MYRIP: variants seen among roughly 807,000 people sequenced by gnomAD.
MYRIP encodes rab effector MyRIP.
In MYRIP, 49 loss-of-function variants were observed where a neutral mutation model predicts 98.0. That is an observed-to-expected ratio of 0.50 (90% CI 0.40 to 0.63). The LOEUF is 0.63. Among genes scored for constraint, MYRIP ranks in the 30% least tolerant of loss-of-function variants. MYRIP has a pLI of 0.00. For synonymous variants in MYRIP, 404 were observed against 409.5 expected (o/e 0.99, Z 0.16); for missense variants, 1,004 against 1,058.2 (o/e 0.95, Z 0.71).
At chr3:40,202,979 G>C (rs1374617693) in intron 10 of MYRIP, among the ~76,000 whole-genome samples, 1 of 151,780 alleles carries the variant, frequency 6.6e-6, no homozygotes, top group African/African-American at 2.4e-5. Flanking sequence ...CGCCAGGCTG[G>C]AGTGCAGTGG....
intron 3 of MYRIP, among the ~76,000 whole-genome samples, chr3:40,137,308 C>A (rs921518135): frequency 1.4e-4 from 21 of 152,310 alleles, no homozygotes; most frequent in East Asian, 5.8e-4. Flanking sequence ...TTCCTCGACA[C>A]ATACAGTCTC....
chr3:40,101,123 C>T (rs1948936440), intron 3 of MYRIP, among the ~76,000 whole-genome samples: 1 of 152,108 alleles, frequency 6.6e-6, no homozygotes, highest in Admixed American at 6.5e-5. Context: ...CAGCTTATAT[C>T]TTTATTTTCT....
At chr3:39,961,647 A>G (rs1945328091) in intron 2 of MYRIP, among the ~76,000 whole-genome samples, 1 of 152,098 alleles carries the variant, frequency 6.6e-6, no homozygotes, top group Middle Eastern at 3.2e-3. Context: ...AAGACCCCAG[A>G]TTTGGATTTT....
intron 3 of MYRIP, among the ~76,000 whole-genome samples, chr3:40,115,527 A>G (rs1007442273): frequency 6.6e-6 from 1 of 152,168 alleles, no homozygotes; most frequent in African/African-American, 2.4e-5. Flanking sequence ...CACTCCCATG[A>G]TTCAGTTATC....
At chr3:40,139,412 C>CTG (rs1295306697) in intron 3 of MYRIP, among the ~76,000 whole-genome samples, 4 of 152,154 alleles carry the variant, frequency 2.6e-5, no homozygotes, top group African/African-American at 7.2e-5. Flanking sequence ...TCTGTCAGTC[C>CTG]CGCTGCTGGC....
chr3:40,206,418 G>A (rs1027839216), intron 10 of MYRIP, among the ~76,000 whole-genome samples: 1 of 152,070 alleles, frequency 6.6e-6, no homozygotes, highest in Non-Finnish European at 1.5e-5. Context: ...GTGTGCATAC[G>A]ATTTGTCTTT....
At chr3:40,198,496 C>T (rs1951462830) in intron 10 of MYRIP, among the ~76,000 whole-genome samples, 1 of 152,214 alleles carries the variant, frequency 6.6e-6, no homozygotes. Context: ...CATTCATTTA[C>T]TGGCAACAAA....
At chr3:40,052,461 C>G (rs974154840) in intron 3 of MYRIP, among the ~76,000 whole-genome samples, 1 of 152,078 alleles carries the variant, frequency 6.6e-6, no homozygotes, top group African/African-American at 2.4e-5. Flanking sequence ...TAAGAATATG[C>G]ACAAGTTAAC....
At chr3:40,107,128 A>G (rs68035740) in intron 3 of MYRIP, among the ~76,000 whole-genome samples, 35,900 of 152,122 alleles carry the variant, frequency 0.24, 4,547 homozygotes, top group East Asian at 0.36. Context: ...AGGGCAGCCA[A>G]TTGTGATGGC....
intron 3 of MYRIP, among the ~76,000 whole-genome samples, chr3:40,069,408 T>A (rs987070500): frequency 1.2e-4 from 18 of 151,230 alleles, no homozygotes; most frequent in African/African-American, 4.4e-4. Context: ...TTTTTTTTTT[T>A]TGCTTTTTAA....
intron 1 of MYRIP, among the ~76,000 whole-genome samples, chr3:39,826,868 TG>T (rs1197621862): frequency 1.3e-5 from 2 of 152,192 alleles, no homozygotes; most frequent in Admixed American, 6.5e-5. Flanking sequence ...CTGAATTGAT[TG>T]GTCTCTTTAT....
intron 3 of MYRIP, among the ~76,000 whole-genome samples, chr3:40,142,569 C>T (rs117062964): frequency 0.028 from 4,207 of 152,126 alleles, 212 homozygotes; most frequent in East Asian, 0.25. Context: ...CTCAATCTAT[C>T]CTCCCACCTC....
At chr3:40,179,109 C>A (rs529584572) in intron 8 of MYRIP, among the ~76,000 whole-genome samples, 97 of 152,340 alleles carry the variant, frequency 6.4e-4, no homozygotes, top group African/African-American at 2.2e-3. Context: ...TCCTCTCTGG[C>A]TGAACTAGCT....
intron 3 of MYRIP, among the ~76,000 whole-genome samples, chr3:40,065,751 C>T (rs1254406451): frequency 6.6e-6 from 1 of 152,158 alleles, no homozygotes; most frequent in Non-Finnish European, 1.5e-5. Flanking sequence ...GCATGTGGCT[C>T]TGTTGTCCCC....
chr3:40,209,979 G>A lies in MYRIP; in HGVS notation c.1791G>A (p.Lys597=). ...AGTTAGCAATGAAAATGAGTGAAAA[G>A]GAGACTTCTTCAGGGGAGGATCAGG... is the stretch of plus-strand genomic sequence containing the variant. The part of the protein sequence containing the change: ...LYELAMKMSE[K]ETSSGEDQES... Residue 597 remains lysine, a synonymous_variant, in exon 11 of 17, where the codon AAG becomes AAA. Transcript: ENST00000302541. 6.2e-7 allele frequency: 1 copy of A among 1,614,098 alleles called. No individual in the cohort carries two copies. Among genetic ancestry groups the A allele is most frequent in the Non-Finnish European group, 8.5e-7 (1 of 1,179,962 alleles).
intron 1 of MYRIP, among the ~76,000 whole-genome samples, chr3:39,840,119 G>T (rs556140749): frequency 6.6e-6 from 1 of 152,212 alleles, no homozygotes; most frequent in South Asian, 2.1e-4. Flanking sequence ...TCTTTTTGTA[G>T]GTCTCTAAGA....
intron 3 of MYRIP, among the ~76,000 whole-genome samples, chr3:40,078,113 G>A (rs904956452): frequency 3.3e-5 from 5 of 152,234 alleles, no homozygotes; most frequent in African/African-American, 2.4e-5. Context: ...CTAGCGCAGC[G>A]CCGGTGGGCT....
At chr3:39,978,823 T>C (rs1945815333) in intron 2 of MYRIP, among the ~76,000 whole-genome samples, 2 of 143,194 alleles carry the variant, frequency 1.4e-5, no homozygotes, top group Admixed American at 7.0e-5. Context: ...CTGGACTTTG[T>C]TTTTTTTTTT....
At chr3:39,957,527 C>G (rs1945199596) in intron 2 of MYRIP, among the ~76,000 whole-genome samples, 1 of 152,104 alleles carries the variant, frequency 6.6e-6, no homozygotes, top group Non-Finnish European at 1.5e-5. Flanking sequence ...TGGGATGTAT[C>G]TCAAAATAAT....
Sources: allele counts gnomAD v4.1 joint callset (sites outside exome capture counted in the v4.1 genomes callset), GRCh38; gene constraint gnomAD v4.1.1; transcripts MANE v1.5; gene names NCBI Gene and HGNC (gene_info 2026-07-23, HGNC 2026-07-21).